VIRMA: variants seen among roughly 807,000 people sequenced by gnomAD.
The protein encoded by VIRMA is vir like m6A methyltransferase associated.
Under a neutral mutation model 182.4 loss-of-function variants are expected in VIRMA, and 65 were observed. That is an observed-to-expected ratio of 0.36 (90% CI 0.29 to 0.44). The LOEUF is 0.44. Among genes scored for constraint, VIRMA ranks in the 20% least tolerant of loss-of-function variants. The pLI, the probability that VIRMA is intolerant of heterozygous loss-of-function variation, is 1.00. For synonymous variants in VIRMA, 709 were observed against 743.1 expected, an observed-to-expected ratio of 0.95 and a Z score of 0.75; for missense variants, 1,752 against 2,158.1, an observed-to-expected ratio of 0.81 and a Z score of 3.73.
At position 94,517,899 on chromosome 8, in the gene VIRMA, T is replaced by C. The variant is rs1563467923; in HGVS notation, c.2557A>G (p.Ile853Val). ...KKSVAYNYAC[I>V]LILVVVQSSS... Reference sequence around the variant, plus strand: ...GACTGAACCACCACCAAAATAAGTATGCATGCGTAATTATAAGCTACTGAC... The same window carrying C: ...GACTGAACCACCACCAAAATAAGTACGCATGCGTAATTATAAGCTACTGAC... Residue 853 changes from isoleucine (I) to valine (V), a missense_variant, in exon 10 of 24, where the codon ATA (isoleucine) becomes GTA (valine). Coordinates refer to ENST00000297591, the MANE Select transcript of VIRMA (RefSeq NM_015496.5). 1 of 1,612,382 alleles carries C rather than the reference T, an allele frequency of 6.2e-7. No individual in the cohort carries two copies. Among genetic ancestry groups the C allele is most frequent in the Non-Finnish European group, 8.5e-7 (1 of 1,178,606 alleles).
Position 94,491,041 on chromosome 8 carries a change from C to CG in VIRMA, c.5140+536dup, listed in dbSNP as rs550152136. 3.4e-3 allele frequency among the ~76,000 whole-genome samples: 511 copies of CG among 151,786 alleles called. 1 individual carries two copies. The highest frequency in any genetic ancestry group is 0.012 in the African/African-American group (494 of 41,246). On this transcript the variant is annotated intron_variant, in intron 22 of 23. Coordinates refer to ENST00000297591, the MANE Select transcript of VIRMA (RefSeq NM_015496.5). ...GTAAAAAGGAAAATAAGGCTGAGCA[C>CG]GGTGGTTCATGCCTGTAATCCCAGC...
At chr8:94,506,856 T>C in intron 15 of VIRMA, 139 bp from the exon 16 acceptor site, 1 of 562,856 alleles carries the variant, frequency 1.8e-6, no homozygotes, top group Non-Finnish European at 3.1e-6. Flanking sequence ...CCCAAACATA[T>C]AAACACATTA....
At chr8:94,531,202 C>A in intron 5 of VIRMA, 117 bp from the exon 6 acceptor site, 1 of 1,133,212 alleles carries the variant, frequency 8.8e-7, no homozygotes, top group Non-Finnish European at 1.2e-6. Context: ...AAAGAGAGAT[C>A]TAAAATATGG....
chr8:94,505,931 A>G (rs1028941434), intron 16 of VIRMA, among the ~76,000 whole-genome samples: 1 of 152,200 alleles, frequency 6.6e-6, no homozygotes, highest in African/African-American at 2.4e-5. Context: ...ATAAATAACA[A>G]TATGAATAAA....
intron 1 of VIRMA, 40 bp from the exon 2 acceptor site, chr8:94,543,982 CA>C (rs766816874): frequency 3.0e-6 from 3 of 1,011,126 alleles, no homozygotes; most frequent in Non-Finnish European, 4.6e-6. Context: ...GGGTTCGGAA[CA>C]TTATGTAAAA....
In VIRMA at chr8:94,509,697, G is replaced by A. The variant is rs77421148; in HGVS notation, c.3870C>T (p.Leu1290=). The A allele has an allele frequency of 1.3e-3, 2,076 of 1,612,854 alleles. 50 individuals carry two copies. The East Asian group carries it at 0.04, about 31-fold the overall frequency. The change falls in exon 15 of 24, where the codon CTC becomes CTT. Residue 1290 remains leucine, a synonymous_variant. Transcript: ENST00000297591. The part of the protein sequence containing the change: ...VEYVTSILQS[L]CDQDIALILP... ...AAATAACTATAAATACCTGATCACAGAGAGACTGCAAAATGGATGTGACAT... is the reference window on the plus strand; with the variant it reads ...AAATAACTATAAATACCTGATCACAAAGAGACTGCAAAATGGATGTGACAT...
rs1815084297 is a variant in VIRMA, at chr8:94,529,448, T to C, written c.608-106A>G. Reference sequence around the variant, plus strand: ...TTAATATTTTGGTTGATATAGTTTATAAATACCCTTAAAAAAAAAGAATTA... The same window carrying C: ...TTAATATTTTGGTTGATATAGTTTACAAATACCCTTAAAAAAAAAGAATTA... On this transcript the variant is annotated intron_variant, in intron 6 of 23. Coordinates refer to ENST00000297591, the MANE Select transcript of VIRMA (RefSeq NM_015496.5). The C allele has an allele frequency of 3.8e-5, 24 of 625,406 alleles. 1 individual carries two copies. The South Asian group carries it at 4.8e-4, about 12-fold the overall frequency. The allele number at this position is 625,406 out of a possible 1,614,324, so 38.7% of individuals were successfully genotyped here. A position where few individuals can be genotyped will look rare whatever the true frequency, so the allele number is the denominator to read the frequency against.
At chr8:94,524,561 T>C (rs1298319662) in intron 8 of VIRMA, among the ~76,000 whole-genome samples, 1 of 152,110 alleles carries the variant, frequency 6.6e-6, no homozygotes, top group Admixed American at 6.6e-5. Context: ...TACCTCAGCC[T>C]CCCAAAGTGC....
At chr8:94,509,550 G>T in intron 15 of VIRMA, 138 bp downstream of exon 15, 2 of 865,172 alleles carry the variant, frequency 2.3e-6, no homozygotes, top group Non-Finnish European at 3.4e-6. Flanking sequence ...GAGAACCCAT[G>T]AACAACAGCA....
Position 94,511,376 on chromosome 8 carries a change from T to C in VIRMA, c.3199A>G (p.Ile1067Val), listed in dbSNP as rs752635933. ...ACTCCTTGTGTAAAAGTCAGTAAAA[T>C]ATCAATGATATCATTCTGAATTTTC... The part of the protein sequence containing the change: ...EQKIQNDIID[I>V]LLTFTQGVNE... The change falls in exon 13 of 24, where the codon ATT becomes GTT. Residue 1067 changes from isoleucine (I) to valine (V), a missense_variant. By Grantham distance (29) the Ile-to-Val change is conservative. Transcript: ENST00000297591. 6 of 1,613,948 alleles carry C rather than the reference T, an allele frequency of 3.7e-6. No individual in the cohort carries two copies. Among genetic ancestry groups the C allele is most frequent in the African/African-American group, 1.3e-5 (1 of 75,042 alleles).
At chr8:94,517,699 T>C in intron 10 of VIRMA, 89 bp downstream of exon 10, 1 of 896,736 alleles carries the variant, frequency 1.1e-6, no homozygotes, top group East Asian at 2.7e-5. Flanking sequence ...AGGTATATTA[T>C]CGAAACATGA....
chr8:94,511,841 T>C, intron 12 of VIRMA, 112 bp from the exon 13 acceptor site: 1 of 696,612 alleles, frequency 1.4e-6, no homozygotes. Context: ...TTATAATAAA[T>C]GATTTTTATT....
chr8:94,544,061 A>G, intron 1 of VIRMA, 119 bp from the exon 2 acceptor site: 1 of 593,598 alleles, frequency 1.7e-6, no homozygotes, highest in South Asian at 2.1e-5. Flanking sequence ...ATATCATTAA[A>G]TATCATTAAA....
Position 94,519,113 on chromosome 8 carries a change from G to T in VIRMA, c.2385C>A (p.Thr795=), listed in dbSNP as rs772139249. The change falls in exon 9 of 24, where the codon ACC becomes ACA. Residue 795 remains threonine (T), a synonymous_variant. Transcript: ENST00000297591. ...AAGTAATCAAATAAAGATTGTGCAG[G>T]GTTCCCAAGAGATCTGAATGGTCTG... The part of the protein sequence containing the change: ...EETDHSDLLG[T]LHNLYLITFN... 97 of 1,613,828 alleles carry T rather than the reference G, an allele frequency of 6.0e-5. No individual in the cohort carries two copies. Among genetic ancestry groups the T allele is most frequent in the Non-Finnish European group, 7.4e-5 (87 of 1,179,972 alleles).
chr8:94,528,235 AAAAAAAAAAAAAAAAGAAAG>A (rs908699045), intron 7 of VIRMA, among the ~76,000 whole-genome samples: 1 of 150,590 alleles, frequency 6.6e-6, no homozygotes, highest in African/African-American at 2.4e-5. Context: ...TTGTCTCAAA[AAAAAAAAAAAAAAAAGAAAG>A]AAAAAAAGAA....
chr8:94,490,436 G>T (rs898418670), intron 22 of VIRMA, among the ~76,000 whole-genome samples: 7 of 152,174 alleles, frequency 4.6e-5, no homozygotes, highest in South Asian at 2.1e-4. Flanking sequence ...CTAAGTGTTT[G>T]TTATTAATAT....
Position 94,553,395 on chromosome 8 carries a change from G to A in VIRMA, c.53C>T (p.Pro18Leu), listed in dbSNP as rs758302505. The A allele has an allele frequency of 6.2e-7, 1 of 1,614,146 alleles. No individual in the cohort carries two copies. The change falls in exon 1 of 24, where the codon CCG (proline) becomes CTG (leucine). Residue 18 changes from proline to leucine, a missense_variant. Coordinates refer to ENST00000297591, the MANE Select transcript of VIRMA (RefSeq NM_015496.5). Reference protein sequence around the residue: ...ELLFLDTFKHPSAEQSSHIDV... With the variant: ...ELLFLDTFKHLSAEQSSHIDV... The stretch of plus-strand genomic sequence containing the variant: ...GTCGCCAAGCCTTACCTCAGCGCTC[G>A]GGTGTTTAAAAGTATCTAAAAATAA...
At position 94,502,295 on chromosome 8, in the gene VIRMA, G is replaced by A. The variant is rs983442781; in HGVS notation, c.4098-2789C>T. ...GAAGGCTGCAGTGAGCCGAGATCAT[G>A]CCACTGCACTCCAGCCTAGGCAACA... is the stretch of plus-strand genomic sequence containing the variant. On this transcript the variant is annotated intron_variant, in intron 16 of 23. Coordinates refer to ENST00000297591, the MANE Select transcript of VIRMA (RefSeq NM_015496.5). 9.2e-5 allele frequency among the ~76,000 whole-genome samples: 14 copies of A among 152,140 alleles called. No homozygotes were observed. In the East Asian group the frequency reaches 2.7e-3, roughly 29 times the overall value.
At chr8:94,535,959 C>A (rs556953063) in intron 4 of VIRMA, among the ~76,000 whole-genome samples, 2 of 152,256 alleles carry the variant, frequency 1.3e-5, no homozygotes, top group East Asian at 3.9e-4. Context: ...TACATCTTCA[C>A]AATTATGAGA....
Sources: gnomAD v4.1 joint callset for allele counts (sites outside exome capture counted in the v4.1 genomes callset) on GRCh38, gnomAD v4.1.1 for gene constraint, MANE v1.5 for transcripts, NCBI Gene and HGNC (gene_info 2026-07-23, HGNC 2026-07-21) for gene names.